The following CLSPN variants were observed in gnomAD, a reference collection of about 807,000 sequenced individuals.
The protein encoded by CLSPN is claspin.
A neutral mutation model predicts 156.3 loss-of-function variants in CLSPN; 85 were observed. The observed-to-expected ratio is 0.54, with a 90% CI of 0.46 to 0.65. The LOEUF (loss-of-function observed/expected upper bound fraction) is 0.65. Ranked by LOEUF, CLSPN falls within the 30% of genes least tolerant of loss-of-function variation. The pLI, the probability that CLSPN is intolerant of heterozygous loss-of-function variation, is 0.00. For synonymous variants in CLSPN, 534 were observed against 542.4 expected, an observed-to-expected ratio of 0.98 and a Z score of 0.22; for missense variants, 1,407 against 1,554.9, an observed-to-expected ratio of 0.90 and a Z score of 1.60.
chr1:35,751,138 C>A, intron 10 of CLSPN, 112 bp downstream of exon 10: 2 of 1,359,552 alleles, frequency 1.5e-6, no homozygotes, highest in Non-Finnish European at 2.0e-6. Flanking sequence ...CCTCATCATG[C>A]CCCTAAAACC....
chr1:35,762,741 A>C (rs566029549), intron 4 of CLSPN, among the ~76,000 whole-genome samples: 2 of 152,298 alleles, frequency 1.3e-5, no homozygotes, highest in South Asian at 4.1e-4. Flanking sequence ...AAGCTAAAAA[A>C]AAATCTTAGG....
chr1:35,745,211 T>C (rs1641836013), intron 16 of CLSPN, among the ~76,000 whole-genome samples: 2 of 152,350 alleles, frequency 1.3e-5, no homozygotes, highest in African/African-American at 4.8e-5. Flanking sequence ...GTCATCTTAA[T>C]GGGTGTCTCA....
At chr1:35,749,289 A>T in intron 12 of CLSPN, among the ~76,000 whole-genome samples, 178 bp downstream of exon 12, 1 of 152,230 alleles carries the variant, frequency 6.6e-6, no homozygotes, top group African/African-American at 2.4e-5. Context: ...TACTATAAAT[A>T]AACTGCAAAA....
intron 8 of CLSPN, among the ~76,000 whole-genome samples, chr1:35,756,963 C>T (rs1642290631): frequency 6.6e-6 from 1 of 152,118 alleles, no homozygotes; most frequent in Admixed American, 6.6e-5. Context: ...GCATAAAAAC[C>T]CTGAATGATC....
At chr1:35,736,806 T>G in intron 24 of CLSPN, 108 bp downstream of exon 24, 1 of 1,374,292 alleles carries the variant, frequency 7.3e-7, no homozygotes, top group Non-Finnish European at 9.9e-7. Context: ...GAGTGCAAGA[T>G]TTCAACATTG....
At chr1:35,737,599 G>A in intron 22 of CLSPN, 178 bp from the exon 23 acceptor site, 2 of 552,596 alleles carry the variant, frequency 3.6e-6, no homozygotes, top group Admixed American at 2.9e-5. Context: ...ACACAACTAA[G>A]TTGAACAGTA....
intron 12 of CLSPN, 141 bp downstream of exon 12, chr1:35,749,326 C>A: frequency 1.3e-6 from 1 of 767,828 alleles, no homozygotes; most frequent in Admixed American, 2.8e-5. Flanking sequence ...TATTCTAATT[C>A]ATAAACCCTT....
chr1:35,767,839 G>A (rs534745801), intron 1 of CLSPN, among the ~76,000 whole-genome samples: 12 of 152,166 alleles, frequency 7.9e-5, no homozygotes, highest in African/African-American at 2.4e-4. Flanking sequence ...TCCTTTCTAC[G>A]GTTGTATAGG....
intron 14 of CLSPN, among the ~76,000 whole-genome samples, chr1:35,747,637 A>T (rs139521909): frequency 5.1e-4 from 78 of 152,370 alleles, no homozygotes; most frequent in African/African-American, 1.8e-3. Context: ...AGCAGGATGG[A>T]TACAGGGAAA....
intron 8 of CLSPN, 124 bp downstream of exon 8, chr1:35,760,218 A>C: frequency 1.4e-6 from 1 of 703,484 alleles, no homozygotes; most frequent in Non-Finnish European, 2.3e-6. Context: ...ATCTGGAACA[A>C]CTGCAGGATA....
downstream of CLSPN, among the ~76,000 whole-genome samples, chr1:35,728,323 C>T (rs1358148803): frequency 9.2e-5 from 14 of 152,006 alleles, no homozygotes; most frequent in Admixed American, 9.2e-4. Context: ...TTCAAGCAAA[C>T]CCCCCACCTC....
In CLSPN at chr1:35,769,853, AC is replaced by A. The variant is rs755620146; in HGVS notation, c.17del (p.Gly6ValfsTer6). 6.2e-7 allele frequency: 1 copy of A among 1,606,316 alleles called. No individual in the cohort carries two copies. The highest frequency in any genetic ancestry group is 8.5e-7 in the Non-Finnish European group (1 of 1,176,262). On this transcript the variant is annotated frameshift_variant, in exon 1 of 25. Coordinates refer to ENST00000318121, the MANE Select transcript of CLSPN (RefSeq NM_022111.4). LOFTEE classifies it high-confidence loss of function. ...GGCGTGTGCATAAACTCACCTCAGA[AC>A]CCACCTCGCCTGTCATGACTTCTGC... Reference protein sequence around the residue: MTGEVGSEVHLEINDP... With the variant: MTGEVXSEVHLEINDP...
At chr1:35,720,893 A>C in exon 25 of CLSPN, 1 of 1,610,130 alleles carries the variant, frequency 6.2e-7, no homozygotes, top group South Asian at 1.1e-5. Context: ...CTCCCAGCTT[A>C]ACCATGTGGG....
At chr1:35,755,374 C>A (rs1642238996) in intron 8 of CLSPN, among the ~76,000 whole-genome samples, 1 of 151,572 alleles carries the variant, frequency 6.6e-6, no homozygotes, top group South Asian at 2.1e-4. Flanking sequence ...TCAAGCAATT[C>A]TCCTGCCTCA....
rs1642462898 is a variant in CLSPN, at chr1:35,761,140, A to T, written c.960T>A (p.Arg320=). 1 of 1,613,842 alleles carries T rather than the reference A, an allele frequency of 6.2e-7. No individual in the cohort carries two copies. The highest frequency in any genetic ancestry group is 8.5e-7 in the Non-Finnish European group (1 of 1,179,816). Residue 320 remains arginine, a synonymous_variant, in exon 7 of 25, where the codon CGT becomes CGA. Transcript: ENST00000318121. ...TTCCGTGGCAAGTGGGCCGGGGTTT[A>T]CGTTTGAAGAAATCATGAATGGTTT... ...ENKTIHDFFK[R]KPRPTCHGNA...
At chr1:35,754,009 G>GT (rs1490787148) in intron 8 of CLSPN, 73 bp from the exon 9 acceptor site, 65 of 1,378,054 alleles carry the variant, frequency 4.7e-5, no homozygotes, top group Non-Finnish European at 4.9e-5. Flanking sequence ...TATAAGCTAA[G>GT]TTTTTTTTAG....
intron 1 of CLSPN, among the ~76,000 whole-genome samples, chr1:35,768,569 C>T (rs1028142508): frequency 1.0e-4 from 15 of 147,830 alleles, no homozygotes; most frequent in East Asian, 2.5e-4. Context: ...CCACAGGCGA[C>T]GCCCGGCTAA....
chr1:35,760,228 A>G (rs748416432), intron 8 of CLSPN, 114 bp downstream of exon 8: 17 of 766,486 alleles, frequency 2.2e-5, no homozygotes, highest in African/African-American at 5.3e-5. Flanking sequence ...ACTGCAGGAT[A>G]AGATCAAAGT....
intron 24 of CLSPN, among the ~76,000 whole-genome samples, chr1:35,726,650 G>A (rs954676836): frequency 6.6e-6 from 1 of 152,176 alleles, no homozygotes; most frequent in Non-Finnish European, 1.5e-5. Context: ...AGAATGAAGT[G>A]ACCATCCTCA....
Sources: allele counts gnomAD v4.1 joint callset (sites outside exome capture counted in the v4.1 genomes callset), GRCh38; gene constraint gnomAD v4.1.1; transcripts MANE v1.5; gene names NCBI Gene and HGNC (gene_info 2026-07-23, HGNC 2026-07-21).